SPIRE2: variants seen among roughly 807,000 people sequenced by gnomAD.
SPIRE2 encodes protein spire homolog 2.
Under a neutral mutation model 80.7 loss-of-function variants are expected in SPIRE2, and 76 were observed. The ratio of observed to expected loss-of-function variants is 0.94; its 90% CI spans 0.78 to 1.14. SPIRE2 has a LOEUF of 1.14. Among genes scored for constraint, SPIRE2 ranks in the 50% most tolerant of loss-of-function variants. The pLI is 0.00. For missense variants in SPIRE2, 1,196 were observed against 1,015.3 expected (o/e 1.18, Z -2.42); for synonymous variants, 535 against 432.6 (o/e 1.24, Z -2.94).
intron 1 of SPIRE2, among the ~76,000 whole-genome samples, chr16:89,837,596 G>C (rs2041462304): frequency 6.6e-6 from 1 of 152,192 alleles, no homozygotes; most frequent in South Asian, 2.1e-4. Context: ...GGCAGGGGCT[G>C]GGTCGGGATC....
intron 3 of SPIRE2, among the ~76,000 whole-genome samples, chr16:89,853,246 T>C (rs1323648449): frequency 2.6e-5 from 4 of 152,140 alleles, no homozygotes; most frequent in African/African-American, 4.8e-5. Context: ...CAAGTGATCC[T>C]CCCACTTCGG....
In SPIRE2 at chr16:89,828,663, A is replaced by G. The variant is rs1189423392; in HGVS notation, c.113A>G (p.Glu38Gly). 1 of 1,375,862 alleles carries G rather than the reference A, an allele frequency of 7.3e-7. No individual in the cohort carries two copies. Among genetic ancestry groups the G allele is most frequent in the Non-Finnish European group, 9.5e-7 (1 of 1,054,656 alleles). The allele number at this position is 1,375,862 out of a possible 1,614,324, so 85.2% of individuals were successfully genotyped here. Residue 38 changes from glutamate (E) to glycine (G), a missense_variant, in exon 1 of 15, where the codon GAG becomes GGG. Transcript: ENST00000378247. This position sits in a 1 kb window ranked among gnomAD's most constrained non-coding sequence, Gnocchi z 5.9. Reference sequence around the variant, plus strand: ...GCCTACGAGCAGCCGCTCAACGAGGAGCAGGCGTGGGCCGTGTGCTTCCAG... The same window carrying G: ...GCCTACGAGCAGCCGCTCAACGAGGGGCAGGCGTGGGCCGTGTGCTTCCAG... Reference protein sequence around the residue: ...LKAYEQPLNEEQAWAVCFQGC... With the variant: ...LKAYEQPLNEGQAWAVCFQGC...
Position 89,863,468 on chromosome 16 carries a change from T to C in SPIRE2, c.1576-8T>C. The stretch of plus-strand genomic sequence containing the variant: ...ATAGAAGACTTCCTACCTGAGGCCG[T>C]CCCCTAGGAGTTCAGCCACCCCGTG... On this transcript the variant is annotated splice_polypyrimidine_tract_variant and splice_region_variant and intron_variant, in intron 10 of 14. Transcript: ENST00000378247. The surrounding 1 kb of genome is among the most constrained non-coding windows in gnomAD (Gnocchi z 4.3). 1 of 1,613,790 alleles carries C rather than the reference T, an allele frequency of 6.2e-7. No homozygotes were observed. The highest frequency in any genetic ancestry group is 1.7e-5 in the Admixed American group (1 of 60,004).
chr16:89,867,412 G>C (rs2041798962), intron 12 of SPIRE2, among the ~76,000 whole-genome samples: 1 of 152,018 alleles, frequency 6.6e-6, no homozygotes, highest in African/African-American at 2.4e-5. Context: ...CAAAGTGCTG[G>C]GATTACAGGC....
At chr16:89,855,523 C>T (rs569273256) in intron 5 of SPIRE2, 77 bp from the exon 6 acceptor site, 37 of 1,325,900 alleles carry the variant, frequency 2.8e-5, no homozygotes, top group Non-Finnish European at 3.8e-5. Flanking sequence ...TGTCCTTGGG[C>T]TGAGCAGGCC....
Position 89,828,614 on chromosome 16 carries a change from C to A in SPIRE2, c.64C>A (p.Leu22Met). The change falls in exon 1 of 15, where the codon CTG (leucine) becomes ATG (methionine). Residue 22 changes from leucine to methionine, a missense_variant. Leu to Met is a conservative substitution (Grantham distance 15, BLOSUM62 2). Coordinates refer to ENST00000378247, the MANE Select transcript of SPIRE2 (RefSeq NM_032451.2). This position sits in a 1 kb window ranked among gnomAD's most constrained non-coding sequence, Gnocchi z 5.9. ...CGCAGGGCGGCCGGAGCCCTGGGAG[C>A]TGTCCCTGGAGGAGGTGCTGAAGGC... is the stretch of plus-strand genomic sequence containing the variant. Reference protein sequence around the residue: ...AGAGRPEPWELSLEEVLKAYE... With the variant: ...AGAGRPEPWEMSLEEVLKAYE... 1 of 1,298,630 alleles carries A rather than the reference C, an allele frequency of 7.7e-7. No homozygotes were observed. The allele number at this position is 1,298,630 out of a possible 1,614,324, so 80.4% of individuals were successfully genotyped here. A position where few individuals can be genotyped will look rare whatever the true frequency, so the allele number is the denominator to read the frequency against.
intron 3 of SPIRE2, among the ~76,000 whole-genome samples, chr16:89,851,519 C>T (rs370499539): frequency 3.3e-5 from 5 of 152,252 alleles, no homozygotes; most frequent in African/African-American, 9.6e-5. Context: ...GACCCTTGCC[C>T]GAAGCCACAA....
chr16:89,843,111 G>A (rs2041519404), intron 1 of SPIRE2, among the ~76,000 whole-genome samples: 1 of 152,214 alleles, frequency 6.6e-6, no homozygotes, highest in African/African-American at 2.4e-5. Flanking sequence ...TTCAAGGAAG[G>A]CTGTAGAATC....
Position 89,828,656 on chromosome 16 carries a change from A to G in SPIRE2, c.106A>G (p.Asn36Asp). The part of the protein sequence containing the change: ...EVLKAYEQPL[N>D]EEQAWAVCFQ... ...GCTGAAGGCCTACGAGCAGCCGCTC[A>G]ACGAGGAGCAGGCGTGGGCCGTGTG... The change falls in exon 1 of 15, where the codon AAC becomes GAC. Residue 36 changes from asparagine (N) to aspartate (D), a missense_variant. Coordinates refer to ENST00000378247, the MANE Select transcript of SPIRE2 (RefSeq NM_032451.2). This position sits in a 1 kb window ranked among gnomAD's most constrained non-coding sequence, Gnocchi z 5.9. 1 of 1,371,062 alleles carries G rather than the reference A, an allele frequency of 7.3e-7. No individual in the cohort carries two copies. The highest frequency in any genetic ancestry group is 9.5e-7 in the Non-Finnish European group (1 of 1,051,984). 84.9% of individuals were successfully genotyped at this position (1,371,062 alleles called of 1,614,324 possible). A position where few individuals can be genotyped will look rare whatever the true frequency, so the allele number is the denominator to read the frequency against.
At chr16:89,829,209 C>T (rs1280900174) in intron 1 of SPIRE2, among the ~76,000 whole-genome samples, 2 of 152,222 alleles carry the variant, frequency 1.3e-5, no homozygotes, top group Admixed American at 6.5e-5. Context: ...GGGGCATTTT[C>T]TCCTGGGTGG....
intron 9 of SPIRE2, among the ~76,000 whole-genome samples, chr16:89,859,869 T>G (rs1597222107): frequency 1.3e-5 from 2 of 152,090 alleles, no homozygotes; most frequent in Non-Finnish European, 2.9e-5. Context: ...GGTTCTTGTC[T>G]CCCCACCACC....
At chr16:89,869,046 AAAAAAAAATATAT>A (rs1427700336) in intron 13 of SPIRE2, among the ~76,000 whole-genome samples, 1 of 78,042 alleles carries the variant, frequency 1.3e-5, no homozygotes, top group African/African-American at 5.4e-5. Context: ...AAAAAAAAAA[AAAAAAAAATATAT>A]ATATATATAT....
intron 1 of SPIRE2, among the ~76,000 whole-genome samples, chr16:89,834,448 T>C (rs2041422588): frequency 8.0e-6 from 1 of 125,366 alleles, no homozygotes; most frequent in African/African-American, 2.9e-5. Context: ...GAAGCCTGGA[T>C]AAGCATAGCC....
At chr16:89,867,710 A>G (rs1359953919) in intron 12 of SPIRE2, among the ~76,000 whole-genome samples, 2 of 150,476 alleles carry the variant, frequency 1.3e-5, no homozygotes, top group Non-Finnish European at 3.0e-5. Flanking sequence ...TCAGCCCCCC[A>G]AGTAGCTGTG....
At position 89,839,514 on chromosome 16, in the gene SPIRE2, G is replaced by A. The variant is rs183794440; in HGVS notation, c.245-5808G>A. 3.3e-5 allele frequency among the ~76,000 whole-genome samples: 5 copies of A among 152,260 alleles called. 1 individual carries two copies. Among genetic ancestry groups the A allele is most frequent in the Admixed American group, 6.5e-5 (1 of 15,298 alleles). On this transcript the variant is annotated intron_variant, in intron 1 of 14. Transcript: ENST00000378247. The stretch of plus-strand genomic sequence containing the variant: ...GCCTGCTTTGGGCTGTTGCTAGTTC[G>A]TGGGTCTGCCAGGAATGGGTGTGCT...
At chr16:89,864,502 C>A (rs973067628) in intron 12 of SPIRE2, among the ~76,000 whole-genome samples, 1 of 152,336 alleles carries the variant, frequency 6.6e-6, no homozygotes, top group African/African-American at 2.4e-5. Context: ...ATTACTCGCT[C>A]AGCCACGCCT....
At chr16:89,838,164 A>AT (rs34507409) in intron 1 of SPIRE2, among the ~76,000 whole-genome samples, 1,018 of 87,526 alleles carry the variant, frequency 0.012, 18 homozygotes, top group African/African-American at 0.015. Flanking sequence ...CACGCTCAGC[A>AT]TTTTTTTTTT....
chr16:89,841,407 A>T (rs368571727), intron 1 of SPIRE2, among the ~76,000 whole-genome samples: 76 of 152,232 alleles, frequency 5.0e-4, no homozygotes, highest in African/African-American at 1.7e-3. Context: ...TTAGATAAGC[A>T]AAAGGTGGTT....
intron 12 of SPIRE2, among the ~76,000 whole-genome samples, chr16:89,864,294 G>A (rs969900647): frequency 2.0e-5 from 3 of 152,180 alleles, no homozygotes; most frequent in Admixed American, 6.5e-5. Flanking sequence ...ACAGCAGCTC[G>A]AGTCCGCCGT....
Sources: allele counts gnomAD v4.1 joint callset (sites outside exome capture counted in the v4.1 genomes callset), GRCh38; gene constraint gnomAD v4.1.1; non-coding constraint Gnocchi (gnomAD v3.1); transcripts MANE v1.5; gene names NCBI Gene and HGNC (gene_info 2026-07-23, HGNC 2026-07-21).